ERBB4: variants seen among roughly 807,000 people sequenced by gnomAD.
ERBB4 encodes the protein erb-b2 receptor tyrosine kinase 4, also known as receptor tyrosine-protein kinase erbB-4.
A neutral mutation model predicts 158.0 loss-of-function variants in ERBB4; 42 were observed. That is an observed-to-expected ratio of 0.27 (90% CI 0.21 to 0.34). The LOEUF (loss-of-function observed/expected upper bound fraction) is 0.34, where lower values mean the gene tolerates loss of function less well. Ranked by LOEUF, ERBB4 falls within the 10% of genes least tolerant of loss-of-function variation. The probability of loss-of-function intolerance (pLI) is 1.00; values close to 1 mark genes in which losing one functional copy is unlikely to be tolerated. For synonymous variants in ERBB4, 583 were observed against 558.7 expected (o/e 1.04, Z -0.61); for missense variants, 1,333 against 1,624.1 (o/e 0.82, Z 3.08).
intron 1 of ERBB4, among the ~76,000 whole-genome samples, chr2:212,260,081 A>AAAAAAAAAG (rs1553606480): frequency 6.7e-6 from 1 of 148,808 alleles, no homozygotes; most frequent in African/African-American, 2.5e-5. Context: ...AAAAAAAAAA[A>AAAAAAAAAG]AAAAGAAAAG....
At chr2:211,978,630 T>C (rs1457186694) in intron 2 of ERBB4, among the ~76,000 whole-genome samples, 2 of 152,192 alleles carry the variant, frequency 1.3e-5, no homozygotes, top group Non-Finnish European at 2.9e-5. Flanking sequence ...TGATCAAGAA[T>C]ATCTATTTTA....
At chr2:212,035,383 A>C (rs962851998) in intron 2 of ERBB4, among the ~76,000 whole-genome samples, 2 of 152,178 alleles carry the variant, frequency 1.3e-5, no homozygotes, top group African/African-American at 2.4e-5. Flanking sequence ...TGCATCTGCT[A>C]GTTCTCTCTG....
At chr2:211,956,900 T>A (rs2081050485) in intron 2 of ERBB4, among the ~76,000 whole-genome samples, 1 of 152,050 alleles carries the variant, frequency 6.6e-6, no homozygotes, top group Non-Finnish European at 1.5e-5. Context: ...AGTGGTGTGA[T>A]CACAGCTCAC....
At chr2:212,221,790 G>A (rs1025942564) in intron 1 of ERBB4, among the ~76,000 whole-genome samples, 1 of 151,344 alleles carries the variant, frequency 6.6e-6, no homozygotes, top group African/African-American at 2.4e-5. Context: ...ATGCTAACAG[G>A]AGACCCAAAT....
At chr2:211,823,564 C>T (rs4672627) in intron 3 of ERBB4, among the ~76,000 whole-genome samples, 4 of 151,936 alleles carry the variant, frequency 2.6e-5, no homozygotes, top group South Asian at 2.1e-4. Flanking sequence ...CTTTATTACT[C>T]TCAGCTGCAA....
At chr2:212,520,998 C>CTTTTTTTTTTTTTTTTTTTTTTTTTT (rs1490477510) in intron 1 of ERBB4, among the ~76,000 whole-genome samples, 1 of 151,890 alleles carries the variant, frequency 6.6e-6, no homozygotes, top group East Asian at 1.9e-4. Context: ...AGATTATCTT[C>CTTTTTTTTTTTTTTTTTTTTTTTTTT]TATGTGACAA....
intron 2 of ERBB4, among the ~76,000 whole-genome samples, chr2:212,056,319 G>C (rs572480425): frequency 1.3e-5 from 2 of 152,214 alleles, no homozygotes; most frequent in African/African-American, 4.8e-5. Context: ...ACCTGAAAGT[G>C]ACGGGGAGAA....
chr2:212,147,757 T>C (rs1027746008), intron 1 of ERBB4, among the ~76,000 whole-genome samples: 1 of 152,188 alleles, frequency 6.6e-6, no homozygotes, highest in Non-Finnish European at 1.5e-5. Flanking sequence ...AGAAACATTG[T>C]AAAGTTTTGT....
chr2:211,773,464 G>A (rs2075767104), intron 4 of ERBB4, among the ~76,000 whole-genome samples: 4 of 149,334 alleles, frequency 2.7e-5, no homozygotes, highest in African/African-American at 4.9e-5. Flanking sequence ...TGATGAATAC[G>A]AGGACTAAGA....
chr2:212,053,891 T>C (rs2077475803), intron 2 of ERBB4, among the ~76,000 whole-genome samples: 1 of 152,188 alleles, frequency 6.6e-6, no homozygotes, highest in Non-Finnish European at 1.5e-5. Context: ...CAAGAAACAC[T>C]TATTAAATTA....
At chr2:211,669,635 G>A (rs1441920274) in intron 14 of ERBB4, among the ~76,000 whole-genome samples, 2 of 152,174 alleles carry the variant, frequency 1.3e-5, no homozygotes, top group African/African-American at 2.4e-5. Context: ...TAAGCGCAAA[G>A]GCCTTCTTTT....
At chr2:211,851,146 A>T (rs892428923) in intron 3 of ERBB4, among the ~76,000 whole-genome samples, 2 of 151,988 alleles carry the variant, frequency 1.3e-5, no homozygotes, top group African/African-American at 4.8e-5. Context: ...TTGAATAAAA[A>T]TTGAAAATGA....
chr2:212,374,391 CAAT>C (rs2090247421), intron 1 of ERBB4, among the ~76,000 whole-genome samples: 1 of 151,634 alleles, frequency 6.6e-6, no homozygotes, highest in Admixed American at 6.6e-5. Context: ...AGTATAGCAA[CAAT>C]AACAACAAAA....
At chr2:212,100,171 G>A (rs1272618510) in intron 2 of ERBB4, among the ~76,000 whole-genome samples, 1 of 152,140 alleles carries the variant, frequency 6.6e-6, no homozygotes, top group African/African-American at 2.4e-5. Flanking sequence ...CTAACTGACA[G>A]CATGGCTGTT....
At chr2:211,485,403 A>C (rs2065178640) in intron 20 of ERBB4, among the ~76,000 whole-genome samples, 1 of 152,088 alleles carries the variant, frequency 6.6e-6, no homozygotes, top group African/African-American at 2.4e-5. Context: ...GACCAGCAGG[A>C]GAGTATTCTT....
At chr2:212,028,435 A>G (rs1240288389) in intron 2 of ERBB4, among the ~76,000 whole-genome samples, 2 of 152,130 alleles carry the variant, frequency 1.3e-5, no homozygotes, top group Non-Finnish European at 2.9e-5. Flanking sequence ...TACTTTGTGA[A>G]AAGGTTTGAC....
intron 4 of ERBB4, among the ~76,000 whole-genome samples, chr2:211,755,898 A>T (rs1214398176): frequency 1.3e-5 from 2 of 152,120 alleles, no homozygotes; most frequent in African/African-American, 4.8e-5. Flanking sequence ...ATATCCTCAA[A>T]CTGCCTCTAG....
chr2:212,349,695 A>C (rs2089170412), intron 1 of ERBB4, among the ~76,000 whole-genome samples: 1 of 152,122 alleles, frequency 6.6e-6, no homozygotes, highest in South Asian at 2.1e-4. Context: ...TTGCACATTC[A>C]AAACCAGAGG....
chr2:211,860,633 T>C (rs1052139256), intron 3 of ERBB4, among the ~76,000 whole-genome samples: 7 of 151,896 alleles, frequency 4.6e-5, no homozygotes, highest in African/African-American at 1.7e-4. Flanking sequence ...AATTAAAGTT[T>C]ATTGACAGTA....
Sources: gnomAD v4.1 joint callset for allele counts (sites outside exome capture counted in the v4.1 genomes callset) on GRCh38, gnomAD v4.1.1 for gene constraint, MANE v1.5 for transcripts, NCBI Gene and HGNC (gene_info 2026-07-23, HGNC 2026-07-21) for gene names.